Variants in FRMD5 observed in about 807,000 individuals in gnomAD.
The protein encoded by FRMD5 is FERM domain containing 5.
A neutral mutation model predicts 69.0 loss-of-function variants in FRMD5; 20 were observed. That is an observed-to-expected ratio of 0.29 (90% CI 0.20 to 0.42). The LOEUF is 0.42. Ranked by LOEUF, FRMD5 falls within the 10% of genes least tolerant of loss-of-function variation. FRMD5 has a pLI of 1.00. For missense variants in FRMD5, 595 were observed against 708.6 expected, an observed-to-expected ratio of 0.84 and a Z score of 1.82; for synonymous variants, 271 against 260.1, an observed-to-expected ratio of 1.04 and a Z score of -0.40.
At chr15:44,180,847 AT>A (rs1318354241) in intron 1 of FRMD5, among the ~76,000 whole-genome samples, 1 of 152,184 alleles carries the variant, frequency 6.6e-6, no homozygotes, top group African/African-American at 2.4e-5. Context: ...TTTTTATTAG[AT>A]TATAATTGAT....
chr15:43,894,506 G>GGAGGCAGAGGT (rs1235131540), intron 7 of FRMD5, among the ~76,000 whole-genome samples: 1 of 152,076 alleles, frequency 6.6e-6, no homozygotes, highest in Non-Finnish European at 1.5e-5. Context: ...AAATGAGAGG[G>GGAGGCAGAGGT]GAGGCAGAGG....
intron 1 of FRMD5, among the ~76,000 whole-genome samples, chr15:44,128,700 A>T (rs2077056904): frequency 6.6e-6 from 1 of 152,124 alleles, no homozygotes; most frequent in East Asian, 1.9e-4. Flanking sequence ...AAATAATATG[A>T]CTACTTTCAG....
At chr15:44,177,028 T>C (rs531930465) in intron 1 of FRMD5, among the ~76,000 whole-genome samples, 3 of 150,244 alleles carry the variant, frequency 2.0e-5, no homozygotes, top group Admixed American at 2.0e-4. Flanking sequence ...ACTGGAACCC[T>C]TGAGCCACTG....
intron 1 of FRMD5, among the ~76,000 whole-genome samples, chr15:44,110,428 A>T (rs2076781145): frequency 6.6e-6 from 1 of 152,204 alleles, no homozygotes; most frequent in Non-Finnish European, 1.5e-5. Flanking sequence ...TGATTGCTAG[A>T]TTATATAGTA....
At chr15:44,177,089 T>C (rs1443356839) in intron 1 of FRMD5, among the ~76,000 whole-genome samples, 2 of 151,978 alleles carry the variant, frequency 1.3e-5, no homozygotes, top group African/African-American at 4.8e-5. Context: ...GGAAAAGGGT[T>C]TGAAAAAGGG....
intron 1 of FRMD5, among the ~76,000 whole-genome samples, chr15:44,142,702 A>G (rs775117006): frequency 3.3e-5 from 5 of 152,318 alleles, no homozygotes; most frequent in Admixed American, 2.0e-4. Context: ...ATGTAAAAGG[A>G]TAATAGAGTT....
intron 7 of FRMD5, among the ~76,000 whole-genome samples, chr15:43,901,762 G>A (rs541090763): frequency 1.5e-4 from 23 of 152,212 alleles, no homozygotes; most frequent in Non-Finnish European, 2.9e-4. Context: ...CTGCAGTTCC[G>A]TGCAGTGACT....
chr15:44,122,815 C>T (rs1214449891), intron 1 of FRMD5, among the ~76,000 whole-genome samples: 3 of 151,648 alleles, frequency 2.0e-5, no homozygotes, highest in African/African-American at 4.9e-5. Context: ...GGCGTGAACC[C>T]GGGAGGCAGA....
At chr15:44,159,005 G>A (rs974799202) in intron 1 of FRMD5, among the ~76,000 whole-genome samples, 1 of 152,186 alleles carries the variant, frequency 6.6e-6, no homozygotes, top group African/African-American at 2.4e-5. Context: ...AGTCTGAAAA[G>A]ACTGGGAAAA....
rs371023399 is a variant in FRMD5, at chr15:44,013,009, G to A, written c.103-88700C>T. Among the ~76,000 whole-genome samples, 31 of 152,118 alleles carry A rather than the reference G, an allele frequency of 2.0e-4. 1 individual carries two copies. Among genetic ancestry groups the A allele is most frequent in the East Asian group, 1.5e-3 (8 of 5,162 alleles). Reference sequence around the variant, plus strand: ...TCGAACTCCTGACCTCAGGTGATCCGCCCTCCTTGGCCTCCCAAAGTGCTG... The same window carrying A: ...TCGAACTCCTGACCTCAGGTGATCCACCCTCCTTGGCCTCCCAAAGTGCTG... On this transcript the variant is annotated intron_variant, in intron 1 of 13. Transcript: ENST00000417257.
intron 4 of FRMD5, among the ~76,000 whole-genome samples, chr15:43,911,496 T>C (rs889656865): frequency 3.9e-5 from 6 of 152,154 alleles, no homozygotes; most frequent in Non-Finnish European, 7.4e-5. Flanking sequence ...TGACCCATCA[T>C]GGAAATGAAG....
intron 7 of FRMD5, among the ~76,000 whole-genome samples, chr15:43,892,756 T>G (rs2088821839): frequency 6.6e-6 from 1 of 152,214 alleles, no homozygotes; most frequent in Non-Finnish European, 1.5e-5. Context: ...AAAATCAGGT[T>G]GTGATCTTTT....
chr15:43,995,998 G>C (rs1889903243), intron 1 of FRMD5, among the ~76,000 whole-genome samples: 1 of 151,270 alleles, frequency 6.6e-6, no homozygotes. Flanking sequence ...ACAGGGTGGG[G>C]TCACGAGGAT....
chr15:43,943,046 A>T (rs919476419), intron 1 of FRMD5, among the ~76,000 whole-genome samples: 1 of 152,206 alleles, frequency 6.6e-6, no homozygotes, highest in African/African-American at 2.4e-5. Context: ...GTTCAAGACC[A>T]GCCTGACCAA....
intron 6 of FRMD5, among the ~76,000 whole-genome samples, chr15:43,902,619 G>A (rs2089073839): frequency 1.3e-5 from 2 of 149,932 alleles, no homozygotes; most frequent in Non-Finnish European, 3.0e-5. Context: ...GAGCCCAGGA[G>A]TGCGAGGTTT....
Position 44,185,698 on chromosome 15 carries a change from C to T in FRMD5, c.102+9255G>A, listed in dbSNP as rs551994359. On this transcript the variant is annotated intron_variant, in intron 1 of 13. Transcript: ENST00000417257. ...ATCCCAGCTACTCAGGAGGCTGAGA[C>T]GCAAGAATTGCTTGAACCCAGGAGG... Among the ~76,000 whole-genome samples the T allele has an allele frequency of 3.5e-4, 53 of 151,664 alleles. 1 individual carries two copies. In the South Asian group the frequency reaches 0.01, roughly 30 times the overall value.
At chr15:43,916,737 G>C (rs2089394892) in intron 4 of FRMD5, among the ~76,000 whole-genome samples, 1 of 151,752 alleles carries the variant, frequency 6.6e-6, no homozygotes, top group Non-Finnish European at 1.5e-5. Context: ...AGGAAGGTCT[G>C]TCCATTCATG....
chr15:43,988,002 A>G (rs111752958), intron 1 of FRMD5, among the ~76,000 whole-genome samples: 1 of 152,220 alleles, frequency 6.6e-6, no homozygotes, highest in Non-Finnish European at 1.5e-5. Flanking sequence ...CTAGATTCTC[A>G]TAAGGAGCAT....
In FRMD5 at chr15:43,888,825, T is replaced by G. The variant is rs1401613331; in HGVS notation, c.776A>C (p.Tyr259Ser). The G allele has an allele frequency of 3.1e-6, 5 of 1,613,690 alleles. No homozygotes were observed. The South Asian group carries it at 4.4e-5, about 14-fold the overall frequency. The change falls in exon 9 of 14, where the codon TAC (tyrosine) becomes TCC (serine). Residue 259 changes from tyrosine (Y) to serine (S), a missense_variant. Around this residue, in one of 5 missense-constraint regions of FRMD5, gnomAD observed 176 missense variants for 266.3 expected, o/e 0.66. Coordinates refer to ENST00000417257, the MANE Select transcript of FRMD5 (RefSeq NM_032892.5). ...AGCACTCACCTCTTTCTGACTTACG[T>G]ATAAATAGAAAGTCTTTCCTTCAAA... ...LKFEGKTFYL[Y>S]VSQKEEKKII...
Sources: gnomAD v4.1 joint callset for allele counts (sites outside exome capture counted in the v4.1 genomes callset) on GRCh38, gnomAD v4.1.1 for gene constraint, gnomAD v4.1.1 regional missense constraint, MANE v1.5 for transcripts, NCBI Gene and HGNC (gene_info 2026-07-23, HGNC 2026-07-21) for gene names.